The following FAM217A variants were observed in gnomAD, a reference collection of about 807,000 sequenced individuals.
FAM217A encodes protein FAM217A.
Under a neutral mutation model 18.5 loss-of-function variants are expected in FAM217A, and 13 were observed. The ratio of observed to expected loss-of-function variants is 0.70; its 90% CI spans 0.46 to 1.12. FAM217A has a LOEUF of 1.12. FAM217A is among the 50% of genes most tolerant of loss of function. FAM217A has a pLI of 0.00. For synonymous variants in FAM217A, 161 were observed against 202.8 expected (o/e 0.79, Z 1.75); for missense variants, 560 against 575.4 (o/e 0.97, Z 0.27).
intron 6 of FAM217A, among the ~76,000 whole-genome samples, chr6:4,072,818 C>T (rs1425564767): frequency 6.6e-6 from 1 of 152,080 alleles, no homozygotes; most frequent in East Asian, 1.9e-4. Flanking sequence ...TCCTGGCTCT[C>T]CCTTTCATTA....
chr6:4,085,731 GTTAT>G (rs1217518025), intron 1 of FAM217A, among the ~76,000 whole-genome samples: 1 of 152,036 alleles, frequency 6.6e-6, no homozygotes, highest in Non-Finnish European at 1.5e-5. Context: ...GTTCTTGTTA[GTTAT>G]ATAACATATT....
At chr6:4,079,851 G>T (rs1408026506), upstream of FAM217A, among the ~76,000 whole-genome samples, 2 of 152,034 alleles carry the variant, frequency 1.3e-5, no homozygotes, top group Non-Finnish European at 2.9e-5. Flanking sequence ...AACAAAAGAT[G>T]ATTTTTTTTC....
intron 2 of FAM217A, 36 bp downstream of exon 2, chr6:4,077,319 T>A (rs1227408715): frequency 6.2e-7 from 1 of 1,611,852 alleles, no homozygotes; most frequent in Non-Finnish European, 8.5e-7. Context: ...CAGGAGCCGC[T>A]GCCCAAACAC....
chr6:4,074,388 T>C, intron 4 of FAM217A, 55 bp downstream of exon 4: 2 of 1,452,912 alleles, frequency 1.4e-6, no homozygotes, highest in South Asian at 1.3e-5. Flanking sequence ...AAGAACATAC[T>C]TATTTTAAAA....
chr6:4,085,311 A>AAAAAAAATAT (rs377046907), intron 1 of FAM217A, among the ~76,000 whole-genome samples: 13 of 146,438 alleles, frequency 8.9e-5, no homozygotes, highest in South Asian at 6.5e-4. Flanking sequence ...TGTAAAAAAA[A>AAAAAAAATAT]ATATATATAT....
intron 6 of FAM217A, among the ~76,000 whole-genome samples, chr6:4,072,748 G>C (rs550490697): frequency 3.4e-4 from 39 of 115,558 alleles, no homozygotes; most frequent in African/African-American, 1.0e-3. Flanking sequence ...GGCAACAAGA[G>C]CAAAACTCCG....
chr6:4,068,643 G>C lies in FAM217A; in HGVS notation c.*53C>G, dbSNP rs990283326. On this transcript the variant is annotated 3_prime_UTR_variant, in exon 7 of 7. Transcript: ENST00000274673. ...TCTTGGAATAATTAACCATATCTTA[G>C]TTGGGCTTCTTAGAGTAGATGTGTT... The C allele has an allele frequency of 6.6e-7, 1 of 1,516,416 alleles. No individual in the cohort carries two copies. Among genetic ancestry groups the C allele is most frequent in the Admixed American group, 2.2e-5 (1 of 44,720 alleles). 93.9% of individuals were successfully genotyped at this position (1,516,416 alleles called of 1,614,324 possible).
In FAM217A at chr6:4,069,491, T is replaced by C; in HGVS notation, c.732A>G (p.Glu244=). Residue 244 remains glutamate, a synonymous_variant, in exon 7 of 7, where the codon GAA becomes GAG. Coordinates refer to ENST00000274673, the MANE Select transcript of FAM217A (RefSeq NM_173563.3). ...GGAGAAAATCAGGATATGGAAATAC[T>C]TCATTTGGCTCCTCGGTGAAAGGTT... ...VEEPFTEEPN[E]VFPYPDFLPP... The C allele has an allele frequency of 6.2e-7, 1 of 1,614,168 alleles. No homozygotes were observed. Among genetic ancestry groups the C allele is most frequent in the Non-Finnish European group, 8.5e-7 (1 of 1,180,020 alleles).
chr6:4,079,052 G>C lies in FAM217A; in HGVS notation c.-235C>G, dbSNP rs1163982351. On this transcript the variant is annotated 5_prime_UTR_variant, in exon 1 of 7. Transcript: ENST00000274673. ...CGGCAGTGCAGGGCCTGCGAAGCCC[G>C]CGGGCCGGCGCAGGGGTGGGAGTCG... 8.0e-6 allele frequency: 3 copies of C among 373,836 alleles called. No individual in the cohort carries two copies. Among genetic ancestry groups the C allele is most frequent in the Non-Finnish European group, 1.4e-5 (3 of 209,896 alleles). 23.2% of individuals were successfully genotyped at this position (373,836 alleles called of 1,614,324 possible).
chr6:4,083,252 C>G (rs1770419971), upstream of FAM217A, among the ~76,000 whole-genome samples: 1 of 152,220 alleles, frequency 6.6e-6, no homozygotes, highest in Admixed American at 6.5e-5. Context: ...ACCTCAGTTT[C>G]TCCTCCTATA....
rs556130053 is a variant in FAM217A at position 4,075,199 on chromosome 6, C to T, written c.61-538G>A. Among the ~76,000 whole-genome samples the T allele has an allele frequency of 1.8e-3, 272 of 152,056 alleles. 1 individual carries two copies. Among genetic ancestry groups the T allele is most frequent in the Non-Finnish European group, 3.4e-3 (232 of 67,968 alleles). ...AAACACAAAAATCAGCCAGGTGTGG[C>T]GGCACGCACCTGTAATCCCAGCTGT... On this transcript the variant is annotated intron_variant, in intron 2 of 6. Transcript: ENST00000274673.
chr6:4,068,826 A>T lies in FAM217A; in HGVS notation c.1397T>A (p.Phe466Tyr). The T allele has an allele frequency of 6.2e-7, 1 of 1,614,158 alleles. No homozygotes were observed. Among genetic ancestry groups the T allele is most frequent in the Non-Finnish European group, 8.5e-7 (1 of 1,180,010 alleles). The change falls in exon 7 of 7, where the codon TTT becomes TAT. Residue 466 changes from phenylalanine to tyrosine, a missense_variant. Phe to Tyr is a conservative substitution (Grantham distance 22). Coordinates refer to ENST00000274673, the MANE Select transcript of FAM217A (RefSeq NM_173563.3). ...TCGGTAAAGTTTCTTTTTGGTCCCA[A>T]AGTTTCTCTTCGGTGCCTTAATTTC... ...KEEIKAPKRN[F>Y]GTKKKLYRQN...
chr6:4,076,171 A>G (rs913314712), intron 2 of FAM217A, among the ~76,000 whole-genome samples: 16 of 151,880 alleles, frequency 1.1e-4, no homozygotes, highest in Admixed American at 2.0e-4. Context: ...TCTACTAAAA[A>G]TACAAAAATT....
chr6:4,087,144 G>A (rs776124661), upstream of FAM217A: 3 of 427,350 alleles, frequency 7.0e-6, no homozygotes, highest in Non-Finnish European at 8.0e-6. Flanking sequence ...TACATACTGG[G>A]AGCAAGGCTT....
At chr6:4,071,453 C>T (rs1410968496) in intron 6 of FAM217A, among the ~76,000 whole-genome samples, 1 of 152,118 alleles carries the variant, frequency 6.6e-6, no homozygotes, top group Non-Finnish European at 1.5e-5. Flanking sequence ...GAGATAGGCA[C>T]TTTTATTTTC....
Position 4,069,294 on chromosome 6 carries a change from G to T in FAM217A, c.929C>A (p.Thr310Lys), listed in dbSNP as rs569013413. ...TIQKERPRLQ[T>K]TFCTPAVTER... Reference sequence around the variant, plus strand: ...AGTAACTGCTGGAGTACAGAAAGTCGTTTGTAGTCTTGGCCTCTCTTTTTG... The same window carrying T: ...AGTAACTGCTGGAGTACAGAAAGTCTTTTGTAGTCTTGGCCTCTCTTTTTG... The change falls in exon 7 of 7, where the codon ACG becomes AAG. Residue 310 changes from threonine (T) to lysine (K), a missense_variant. Transcript: ENST00000274673. 1.9e-6 allele frequency: 3 copies of T among 1,614,154 alleles called. No individual in the cohort carries two copies. In the East Asian group the frequency reaches 6.7e-5, roughly 36 times the overall value.
At chr6:4,074,747 T>C in intron 2 of FAM217A, 86 bp from the exon 3 acceptor site, 1 of 987,154 alleles carries the variant, frequency 1.0e-6, no homozygotes, top group East Asian at 2.4e-5. Context: ...GGGTAAAGTA[T>C]GACGAAAGGC....
chr6:4,073,537 A>G, intron 4 of FAM217A, 30 bp from the exon 5 acceptor site: 1 of 1,543,846 alleles, frequency 6.5e-7, no homozygotes, highest in Non-Finnish European at 8.9e-7. Flanking sequence ...TTTTAAACAT[A>G]ATATATCTCT....
chr6:4,070,426 G>A lies in FAM217A; in HGVS notation c.303-506C>T, dbSNP rs1051572549. Among the ~76,000 whole-genome samples the A allele has an allele frequency of 2.6e-5, 4 of 152,196 alleles. No individual in the cohort carries two copies. The East Asian group carries it at 7.7e-4, about 29-fold the overall frequency. ...AAAAATTACTGTAACAAAAAAGGAA[G>A]CAAACAATACCTATTAAAAATTATC... is the stretch of plus-strand genomic sequence containing the variant. On this transcript the variant is annotated intron_variant, in intron 6 of 6. Coordinates refer to ENST00000274673, the MANE Select transcript of FAM217A (RefSeq NM_173563.3).
Sources: gnomAD v4.1 joint callset for allele counts (sites outside exome capture counted in the v4.1 genomes callset) on GRCh38, gnomAD v4.1.1 for gene constraint, MANE v1.5 for transcripts, NCBI Gene and HGNC (gene_info 2026-07-23, HGNC 2026-07-21) for gene names.